The following CLDN14 variants were observed in gnomAD, a reference collection of about 807,000 sequenced individuals.
The protein encoded by CLDN14 is claudin 14.
Under a neutral mutation model 2.1 loss-of-function variants are expected in CLDN14, and 2 were observed. The ratio of observed to expected loss-of-function variants is 0.96; its 90% CI spans 0.39 to 3.01. CLDN14 has a LOEUF of 3.01. Ranked by LOEUF, CLDN14 falls within the 30% of genes most tolerant of loss-of-function variation. The probability of loss-of-function intolerance (pLI) is 0.09; values close to 1 mark genes in which losing one functional copy is unlikely to be tolerated. For synonymous variants in CLDN14, 136 were observed against 154.4 expected, an observed-to-expected ratio of 0.88 and a Z score of 0.88; for missense variants, 298 against 328.0, an observed-to-expected ratio of 0.91 and a Z score of 0.71.
chr21:36,575,567 A>G (rs1237074167), intron 1 of CLDN14, among the ~76,000 whole-genome samples: 3 of 152,204 alleles, frequency 2.0e-5, no homozygotes, highest in African/African-American at 7.2e-5. Context: ...AGGGAACAAA[A>G]AAAACCACAA....
At chr21:36,535,605 A>C (rs543830881) in intron 1 of CLDN14, among the ~76,000 whole-genome samples, 8 of 152,300 alleles carry the variant, frequency 5.3e-5, no homozygotes, top group South Asian at 2.1e-4. Flanking sequence ...TCTAAATGAC[A>C]TGTATAGTCA....
chr21:36,508,765 A>G (rs570705294), intron 2 of CLDN14, among the ~76,000 whole-genome samples: 1 of 152,322 alleles, frequency 6.6e-6, no homozygotes, highest in African/African-American at 2.4e-5. Flanking sequence ...AACAGTCACA[A>G]GTTGGAGAGA....
chr21:36,466,300 C>T (rs1193333321), intron 1 of CLDN14: 1 of 152,150 alleles, frequency 6.6e-6, no homozygotes, highest in East Asian at 1.9e-4. Context: ...TTAGTTTGTT[C>T]TCATGCTGCT....
chr21:36,503,495 A>T (rs1329944329), intron 2 of CLDN14, among the ~76,000 whole-genome samples: 1 of 152,182 alleles, frequency 6.6e-6, no homozygotes, highest in African/African-American at 2.4e-5. Flanking sequence ...GGTTTTAAAA[A>T]TGGGAGTTTC....
chr21:36,461,326 G>A lies in CLDN14; in HGVS notation c.370C>T (p.Leu124Phe), dbSNP rs1382839473. ...KTTFAILGGT[L>F]FILAGLLCMV... Reference sequence around the variant, plus strand: ...CACAGGAGGCCGGCCAGGATGAAGAGGGTGCCGCCGAGGATGGCAAAGGTG... The same window carrying A: ...CACAGGAGGCCGGCCAGGATGAAGAAGGTGCCGCCGAGGATGGCAAAGGTG... The change falls in exon 2 of 2, where the codon CTC (leucine) becomes TTC (phenylalanine). Residue 124 changes from leucine (L) to phenylalanine (F), a missense_variant. Coordinates refer to ENST00000399135, the MANE Select transcript of CLDN14 (RefSeq NM_001146079.2). 2 of 1,613,456 alleles carry A rather than the reference G, an allele frequency of 1.2e-6. No homozygotes were observed. The highest frequency in any genetic ancestry group is 1.7e-6 in the Non-Finnish European group (2 of 1,179,986).
chr21:36,565,557 A>G (rs1406621904), intron 1 of CLDN14, among the ~76,000 whole-genome samples: 2 of 152,112 alleles, frequency 1.3e-5, no homozygotes, highest in African/African-American at 4.8e-5. Flanking sequence ...TATTTCCATC[A>G]TGGCAAATGT....
chr21:36,493,545 A>G (rs577691477), intron 2 of CLDN14, among the ~76,000 whole-genome samples: 63 of 152,206 alleles, frequency 4.1e-4, no homozygotes, highest in African/African-American at 1.4e-3. Context: ...AACTCAGGAC[A>G]CTGCATGCCA....
intron 1 of CLDN14, among the ~76,000 whole-genome samples, chr21:36,574,483 T>C (rs1728659694): frequency 2.6e-5 from 4 of 152,172 alleles, no homozygotes; most frequent in African/African-American, 9.7e-5. Flanking sequence ...GATCAATTCA[T>C]AGAAAATTCA....
At chr21:36,476,057 C>A (rs895647096) in intron 1 of CLDN14, among the ~76,000 whole-genome samples, 3 of 152,164 alleles carry the variant, frequency 2.0e-5, no homozygotes, top group African/African-American at 2.4e-5. Flanking sequence ...GATGTCTGTT[C>A]TGCTGGGCCT....
intron 2 of CLDN14, among the ~76,000 whole-genome samples, chr21:36,494,916 G>A (rs141739255): frequency 1.9e-3 from 294 of 152,278 alleles, no homozygotes; most frequent in Middle Eastern, 6.8e-3. Context: ...GTGCATCCCC[G>A]TAGACATCTG....
At chr21:36,520,831 C>T (rs1601621654) in intron 1 of CLDN14, among the ~76,000 whole-genome samples, 3 of 152,116 alleles carry the variant, frequency 2.0e-5, no homozygotes. Flanking sequence ...TCATCTCTCT[C>T]GAAGGCCAGT....
chr21:36,463,745 A>C (rs953519322), intron 1 of CLDN14, among the ~76,000 whole-genome samples: 3 of 152,156 alleles, frequency 2.0e-5, no homozygotes, highest in African/African-American at 7.2e-5. Flanking sequence ...AATAAAATAA[A>C]TCAATAAATA....
intron 1 of CLDN14, among the ~76,000 whole-genome samples, chr21:36,515,905 G>A (rs2146489003): frequency 6.7e-6 from 1 of 149,030 alleles, no homozygotes; most frequent in East Asian, 2.1e-4. Flanking sequence ...TCCTGTCTCA[G>A]CCTTCTGAGT....
chr21:36,478,149 A>G (rs928802897), intron 1 of CLDN14, among the ~76,000 whole-genome samples: 6 of 152,242 alleles, frequency 3.9e-5, no homozygotes, highest in African/African-American at 1.4e-4. Context: ...AAAACAGGAA[A>G]TATTTAATAG....
chr21:36,544,686 T>C lies in CLDN14; in HGVS notation c.-220+31725A>G, dbSNP rs188131198. Among the ~76,000 whole-genome samples, 1 of 152,318 alleles carries C rather than the reference T, an allele frequency of 6.6e-6. No individual in the cohort carries two copies. The highest frequency in any genetic ancestry group is 1.9e-4 in the East Asian group (1 of 5,190). ...AAATGAACTCTTTACACCTCCTTCC[T>C]GCTGACCCGACTGCAAATCAGCTTT... On this transcript the variant is annotated intron_variant, in intron 1 of 2. Transcript: ENST00000342108. The surrounding 1 kb of genome is among the most constrained non-coding windows in gnomAD (Gnocchi z 4.1).
upstream of CLDN14, among the ~76,000 whole-genome samples, chr21:36,482,985 TC>T (rs1568852090): frequency 6.6e-6 from 1 of 152,250 alleles, no homozygotes; most frequent in African/African-American, 2.4e-5. Flanking sequence ...CTTTAGGTAC[TC>T]CTATTAACCT....
At chr21:36,500,684 G>A (rs1365774671) in intron 2 of CLDN14, among the ~76,000 whole-genome samples, 10 of 152,088 alleles carry the variant, frequency 6.6e-5, no homozygotes, top group South Asian at 4.2e-4. Context: ...CACCCGCCTC[G>A]GCCTCCCAAA....
At chr21:36,542,355 G>T (rs961938265) in intron 1 of CLDN14, among the ~76,000 whole-genome samples, 1 of 152,212 alleles carries the variant, frequency 6.6e-6, no homozygotes. Flanking sequence ...GGAGAGCAAG[G>T]CTCATATAGC....
intron 1 of CLDN14, among the ~76,000 whole-genome samples, chr21:36,515,689 A>AAT (rs1568865970): frequency 6.7e-6 from 1 of 149,718 alleles, no homozygotes; most frequent in Non-Finnish European, 1.5e-5. Context: ...AAAAAAAAAA[A>AAT]TTTCTACTTA....
Sources: gnomAD v4.1 joint callset for allele counts (sites outside exome capture counted in the v4.1 genomes callset) on GRCh38, gnomAD v4.1.1 for gene constraint, Gnocchi (gnomAD v3.1) non-coding constraint, MANE v1.5 for transcripts, NCBI Gene and HGNC (gene_info 2026-07-23, HGNC 2026-07-21) for gene names.